The following MYO5A variants were observed in gnomAD, a reference collection of about 807,000 sequenced individuals.
MYO5A encodes myosin VA, also known as unconventional myosin-Va.
A neutral mutation model predicts 249.7 loss-of-function variants in MYO5A; 98 were observed. The observed-to-expected ratio is 0.39, with a 90% CI of 0.33 to 0.46. MYO5A has a LOEUF of 0.46. Ranked by LOEUF, MYO5A falls within the 20% of genes least tolerant of loss-of-function variation. The pLI, the probability that MYO5A is intolerant of heterozygous loss-of-function variation, is 0.98. For synonymous variants in MYO5A, 778 were observed against 810.6 expected (o/e 0.96, Z 0.68); for missense variants, 1,696 against 2,308.8 (o/e 0.73, Z 5.44).
chr15:52,451,189 C>T (rs1051900629), intron 1 of MYO5A, among the ~76,000 whole-genome samples: 11 of 152,098 alleles, frequency 7.2e-5, no homozygotes, highest in Non-Finnish European at 1.2e-4. Context: ...CAGACAGGCA[C>T]CTCTACGCAG....
intron 5 of MYO5A, among the ~76,000 whole-genome samples, chr15:52,412,451 C>T (rs952694722): frequency 2.0e-5 from 3 of 152,208 alleles, no homozygotes; most frequent in Admixed American, 6.5e-5. Context: ...AGCCCGAAGA[C>T]CTATCAGACC....
intron 1 of MYO5A, among the ~76,000 whole-genome samples, chr15:52,445,209 T>C (rs1822466644): frequency 6.6e-6 from 1 of 152,176 alleles, no homozygotes; most frequent in South Asian, 2.1e-4. Context: ...GCCTTTGTGA[T>C]AGTGAGTTCT....
chr15:52,407,200 A>G, intron 8 of MYO5A, 92 bp downstream of exon 8: 1 of 886,338 alleles, frequency 1.1e-6, no homozygotes. Context: ...AATACTTGCC[A>G]CTTAATAAAA....
chr15:52,314,322 C>A, intron 40 of MYO5A, 119 bp from the exon 41 acceptor site: 1 of 758,068 alleles, frequency 1.3e-6, no homozygotes, highest in Non-Finnish European at 2.3e-6. Context: ...CAGGGGTGGG[C>A]TGGGACCAGA....
chr15:52,445,599 A>G (rs2075872194), intron 1 of MYO5A, among the ~76,000 whole-genome samples: 1 of 152,230 alleles, frequency 6.6e-6, no homozygotes, highest in Non-Finnish European at 1.5e-5. Context: ...AGACAGGAAG[A>G]AGAAAGAAAG....
chr15:52,370,362 T>C lies in MYO5A; in HGVS notation c.2873A>G (p.Asn958Ser). ...ACTTCGTAGTTTCTCAGTCTCAGAG[T>C]TGTATATTCCTTCCAGATTGGTTAG... ...EKLTNLEGIYNSETEKLRSDL... is the reference protein window; with the variant it reads ...EKLTNLEGIYSSETEKLRSDL... Residue 958 changes from asparagine (N) to serine (S), a missense_variant, in exon 22 of 42, where the codon AAC (asparagine) becomes AGC (serine). Transcript: ENST00000399233. The C allele has an allele frequency of 6.2e-7, 1 of 1,614,024 alleles. No homozygotes were observed. Among genetic ancestry groups the C allele is most frequent in the Non-Finnish European group, 8.5e-7 (1 of 1,179,918 alleles).
At position 52,408,144 on chromosome 15, in the gene MYO5A, C is replaced by G. The variant is rs547485837; in HGVS notation, c.757-4G>C. 10 of 1,578,732 alleles carry G rather than the reference C, an allele frequency of 6.3e-6. No individual in the cohort carries two copies. The highest frequency in any genetic ancestry group is 1.3e-5 in the African/African-American group (1 of 74,262). ...GATAGTTTCTCTCCTCTTCTGCCTT[C>G]GAAATAAGAAGAGTTTTCAATTACA... On this transcript the variant is annotated splice_polypyrimidine_tract_variant and splice_region_variant and intron_variant, in intron 6 of 41. Transcript: ENST00000399233.
intron 9 of MYO5A, among the ~76,000 whole-genome samples, chr15:52,404,384 C>T (rs2141213056): frequency 6.6e-6 from 1 of 151,550 alleles, no homozygotes; most frequent in Non-Finnish European, 1.5e-5. Flanking sequence ...AGTACTATAT[C>T]CAGAAAACAC....
intron 1 of MYO5A, among the ~76,000 whole-genome samples, chr15:52,488,769 TCTC>T (rs144568860): frequency 0.15 from 22,422 of 152,144 alleles, 1,773 homozygotes; most frequent in Middle Eastern, 0.22. Context: ...GTTTTACTCT[TCTC>T]CTTACTTTGT....
intron 18 of MYO5A, among the ~76,000 whole-genome samples, chr15:52,378,566 TAAAA>T (rs1311854362): frequency 1.5e-5 from 1 of 68,396 alleles, no homozygotes; most frequent in Non-Finnish European, 3.2e-5. Context: ...AAGCCCCAGT[TAAAA>T]AAAAAAAAAA....
chr15:52,379,532 C>T (rs2141120409), intron 18 of MYO5A, 93 bp downstream of exon 18: 2 of 1,027,514 alleles, frequency 1.9e-6, no homozygotes, highest in Non-Finnish European at 3.1e-6. Context: ...ATGATCTGGA[C>T]TAGTAAAATG....
chr15:52,416,315 A>AT lies in MYO5A; in HGVS notation c.456-15dup. 6.2e-7 allele frequency: 1 copy of AT among 1,613,302 alleles called. No individual in the cohort carries two copies. The highest frequency in any genetic ancestry group is 8.5e-7 in the Non-Finnish European group (1 of 1,179,586). On this transcript the variant is annotated splice_polypyrimidine_tract_variant and intron_variant, in intron 4 of 41. Coordinates refer to ENST00000399233, the MANE Select transcript of MYO5A (RefSeq NM_001382347.1). ...TTTCGTTCATCTCTGTAAAATAAAA[A>AT]TTTTTTAAAAAGTAACTGCCATTGC... is the stretch of plus-strand genomic sequence containing the variant.
intron 31 of MYO5A, among the ~76,000 whole-genome samples, chr15:52,341,144 G>C (rs1240533281): frequency 3.3e-5 from 5 of 152,138 alleles, no homozygotes; most frequent in South Asian, 2.1e-4. Flanking sequence ...AACTAAATGT[G>C]CCTTCAGAAC....
intron 1 of MYO5A, among the ~76,000 whole-genome samples, chr15:52,502,928 A>G (rs561389560): frequency 1.3e-5 from 2 of 152,350 alleles, no homozygotes; most frequent in Non-Finnish European, 2.9e-5. Flanking sequence ...CCAGGCACAG[A>G]AAGACAAATA....
chr15:52,378,244 T>C (rs1402627859), intron 18 of MYO5A, among the ~76,000 whole-genome samples: 1 of 151,826 alleles, frequency 6.6e-6, no homozygotes, highest in Non-Finnish European at 1.5e-5. Context: ...TTGGGCAGGC[T>C]GGGCGCAGTG....
chr15:52,395,042 C>T (rs1317275219), intron 11 of MYO5A, among the ~76,000 whole-genome samples: 2 of 152,120 alleles, frequency 1.3e-5, no homozygotes, highest in African/African-American at 4.8e-5. Flanking sequence ...AATATTTAAT[C>T]AAACAGTCTA....
intron 1 of MYO5A, among the ~76,000 whole-genome samples, chr15:52,501,411 G>GC (rs2077156402): frequency 6.6e-6 from 1 of 152,202 alleles, no homozygotes; most frequent in African/African-American, 2.4e-5. Context: ...ACCAGCCTAG[G>GC]CAACATTGTG....
chr15:52,394,817 C>A (rs1175402668), intron 11 of MYO5A, among the ~76,000 whole-genome samples: 2 of 152,146 alleles, frequency 1.3e-5, no homozygotes, highest in African/African-American at 4.8e-5. Flanking sequence ...TATTAAGAAA[C>A]TCAGGAACAC....
At chr15:52,380,459 C>G (rs1188327647) in intron 16 of MYO5A, among the ~76,000 whole-genome samples, 7 of 151,542 alleles carry the variant, frequency 4.6e-5, no homozygotes, top group Non-Finnish European at 2.9e-5. Flanking sequence ...AGAAAGTCCA[C>G]TGAGCACATT....
Sources: gnomAD v4.1 joint callset for allele counts (sites outside exome capture counted in the v4.1 genomes callset) on GRCh38, gnomAD v4.1.1 for gene constraint, MANE v1.5 for transcripts, NCBI Gene and HGNC (gene_info 2026-07-23, HGNC 2026-07-21) for gene names.